The following SLC9A9 variants were observed in gnomAD, a reference collection of about 807,000 sequenced individuals.
SLC9A9 encodes the protein sodium/hydrogen exchanger 9.
SLC9A9 carries 62 observed loss-of-function variants against 77.8 expected under a neutral mutation model. The observed-to-expected ratio is 0.80, with a 90% confidence interval of 0.65 to 0.98. SLC9A9 has a LOEUF of 0.98. Among genes scored for constraint, SLC9A9 ranks in the 50% least tolerant of loss-of-function variants. SLC9A9 has a pLI of 0.00. For synonymous variants in SLC9A9, 320 were observed against 283.5 expected, an observed-to-expected ratio of 1.13 and a Z score of -1.29; for missense variants, 775 against 774.9, an observed-to-expected ratio of 1.00 and a Z score of 0.00.
chr3:143,650,180 A>G (rs936281391), intron 6 of SLC9A9, among the ~76,000 whole-genome samples: 7 of 152,180 alleles, frequency 4.6e-5, no homozygotes, highest in Non-Finnish European at 8.8e-5. Context: ...AGGGTGCTAT[A>G]CATGGTTTAG....
chr3:143,610,084 T>C (rs1383566610), intron 6 of SLC9A9, among the ~76,000 whole-genome samples: 2 of 152,154 alleles, frequency 1.3e-5, no homozygotes, highest in African/African-American at 4.8e-5. Context: ...TCATAATATA[T>C]TTTCATATCT....
chr3:143,537,184 G>C (rs1559957990), intron 9 of SLC9A9, among the ~76,000 whole-genome samples: 1 of 152,222 alleles, frequency 6.6e-6, no homozygotes. Flanking sequence ...CCACTCTTTA[G>C]AATCACTTAG....
chr3:143,620,354 T>C (rs2038180066), intron 6 of SLC9A9, among the ~76,000 whole-genome samples: 1 of 152,198 alleles, frequency 6.6e-6, no homozygotes, highest in Non-Finnish European at 1.5e-5. Flanking sequence ...AGCTGGGATA[T>C]GTAAATCACT....
At chr3:143,267,345 CTTTTTT>C (rs749407002) in intron 15 of SLC9A9, among the ~76,000 whole-genome samples, 1 of 113,630 alleles carries the variant, frequency 8.8e-6, no homozygotes, top group Non-Finnish European at 1.7e-5. Flanking sequence ...GTTATTGCTA[CTTTTTT>C]TTTTTTTTTT....
At chr3:143,422,698 T>G (rs2034321549) in intron 12 of SLC9A9, among the ~76,000 whole-genome samples, 1 of 152,040 alleles carries the variant, frequency 6.6e-6, no homozygotes, top group Non-Finnish European at 1.5e-5. Context: ...TCACCTATAC[T>G]CATGTAACAG....
At chr3:143,436,012 A>G (rs902210004) in intron 12 of SLC9A9, among the ~76,000 whole-genome samples, 1 of 152,156 alleles carries the variant, frequency 6.6e-6, no homozygotes, top group Non-Finnish European at 1.5e-5. Context: ...TTTCTATCTA[A>G]CCAGTCCCAT....
chr3:143,652,810 C>CACACACACACACACACACACACAT lies in SLC9A9; in HGVS notation c.650-451_650-450insATGTGTGTGTGTGTGTGTGTGTGT, dbSNP rs113827008. On this transcript the variant is annotated intron_variant, in intron 5 of 15. Transcript: ENST00000316549. ...ACACACACACACACACACACACACACACTTCTTGCTACCAAGGACTCATTT... is the reference window on the plus strand; with the variant it reads ...ACACACACACACACACACACACACACACACACACACACACACACACACATACTTCTTGCTACCAAGGACTCATTT... Among the ~76,000 whole-genome samples, 330 of 148,252 alleles carry CACACACACACACACACACACACAT rather than the reference C, an allele frequency of 2.2e-3. 1 individual carries two copies. The highest frequency in any genetic ancestry group is 7.2e-3 in the East Asian group (36 of 4,970).
intron 12 of SLC9A9, among the ~76,000 whole-genome samples, chr3:143,414,822 AG>A (rs1174731283): frequency 1.3e-5 from 2 of 152,242 alleles, no homozygotes; most frequent in Non-Finnish European, 2.9e-5. Flanking sequence ...TTAAATCAAA[AG>A]CTAGAAATGA....
intron 9 of SLC9A9, among the ~76,000 whole-genome samples, chr3:143,524,505 T>C (rs2036370377): frequency 6.6e-6 from 1 of 152,200 alleles, no homozygotes; most frequent in South Asian, 2.1e-4. Context: ...TTTTTATAGG[T>C]CAATGGCCAT....
intron 12 of SLC9A9, among the ~76,000 whole-genome samples, chr3:143,414,669 C>T (rs956043977): frequency 5.9e-5 from 9 of 152,176 alleles, no homozygotes; most frequent in African/African-American, 2.2e-4. Flanking sequence ...TCTGACTGGT[C>T]CACTTGCTAG....
chr3:143,705,278 T>G (rs1933939835), intron 4 of SLC9A9, among the ~76,000 whole-genome samples: 1 of 151,776 alleles, frequency 6.6e-6, no homozygotes, highest in African/African-American at 2.4e-5. Context: ...AGTAGGAAGA[T>G]TGTTAACAGA....
chr3:143,760,520 C>G (rs1201811221), intron 4 of SLC9A9, among the ~76,000 whole-genome samples: 6 of 152,086 alleles, frequency 3.9e-5, no homozygotes, highest in Non-Finnish European at 7.4e-5. Context: ...AATCAATGTG[C>G]AAAAATCACA....
chr3:143,359,766 A>G (rs1029564979), intron 14 of SLC9A9, among the ~76,000 whole-genome samples: 6 of 152,182 alleles, frequency 3.9e-5, no homozygotes, highest in African/African-American at 1.4e-4. Context: ...GAGCTTGGCT[A>G]CAGTGAGTCC....
rs565073822 is a variant in SLC9A9 at position 143,265,777 on chromosome 3, G to A, written c.*925C>T. 2.4e-5 allele frequency: 13 copies of A among 552,528 alleles called. No individual in the cohort carries two copies. Among genetic ancestry groups the A allele is most frequent in the Non-Finnish European group, 4.2e-5 (13 of 312,456 alleles). 34.2% of individuals were successfully genotyped at this position (552,528 alleles called of 1,614,324 possible). A position where few individuals can be genotyped will look rare whatever the true frequency, so the allele number is the denominator to read the frequency against. On this transcript the variant is annotated 3_prime_UTR_variant, in exon 16 of 16. Transcript: ENST00000316549. Reference sequence around the variant, plus strand: ...GTTCCTCTCGCCCTGCTCCTGCACTGCTCATCAGCTGTGAATGCTGGAATT... The same window carrying A: ...GTTCCTCTCGCCCTGCTCCTGCACTACTCATCAGCTGTGAATGCTGGAATT...
chr3:143,701,603 TAC>T (rs1933803898), intron 4 of SLC9A9, among the ~76,000 whole-genome samples: 1 of 151,628 alleles, frequency 6.6e-6, no homozygotes, highest in Non-Finnish European at 1.5e-5. Context: ...TATTTGAAAA[TAC>T]ACAGTCAGAG....
intron 14 of SLC9A9, among the ~76,000 whole-genome samples, chr3:143,315,515 G>GA (rs2031181763): frequency 6.6e-6 from 1 of 152,166 alleles, no homozygotes; most frequent in Non-Finnish European, 1.5e-5. Flanking sequence ...TTCCCACACA[G>GA]AATAAGTCCG....
chr3:143,522,026 C>G (rs2036308673), intron 9 of SLC9A9, among the ~76,000 whole-genome samples: 2 of 152,068 alleles, frequency 1.3e-5, no homozygotes, highest in Admixed American at 1.3e-4. Context: ...TCCAAAGATG[C>G]TTTTTGACTG....
At chr3:143,662,512 C>G (rs2038994511) in intron 5 of SLC9A9, among the ~76,000 whole-genome samples, 1 of 152,164 alleles carries the variant, frequency 6.6e-6, no homozygotes, top group African/African-American at 2.4e-5. Context: ...TCACCTCACC[C>G]GAGAAGTGCA....
chr3:143,768,539 T>G (rs897973941), intron 4 of SLC9A9, among the ~76,000 whole-genome samples: 2 of 152,318 alleles, frequency 1.3e-5, no homozygotes, highest in African/African-American at 4.8e-5. Context: ...TCATATAACA[T>G]AGGAGGAACC....
Sources: gnomAD v4.1 joint callset for allele counts (sites outside exome capture counted in the v4.1 genomes callset) on GRCh38, gnomAD v4.1.1 for gene constraint, MANE v1.5 for transcripts, NCBI Gene and HGNC (gene_info 2026-07-23, HGNC 2026-07-21) for gene names.